ZNF778: variants seen among roughly 807,000 people sequenced by gnomAD.
ZNF778 encodes zinc finger protein 778.
Under a neutral mutation model 23.9 loss-of-function variants are expected in ZNF778, and 37 were observed. The observed-to-expected ratio is 1.54, with a 90% confidence interval of 1.19 to 2.03. The LOEUF (loss-of-function observed/expected upper bound fraction) is 2.03. ZNF778 is among the 30% of genes most tolerant of loss of function. The pLI, the probability that ZNF778 is intolerant of heterozygous loss-of-function variation, is 0.00. For synonymous variants in ZNF778, 483 were observed against 343.9 expected, an observed-to-expected ratio of 1.40 and a Z score of -4.48; for missense variants, 1,297 against 934.4, an observed-to-expected ratio of 1.39 and a Z score of -5.06.
At chr16:89,225,506 A>C in intron 5 of ZNF778, 49 bp from the exon 6 acceptor site, 1 of 1,457,732 alleles carries the variant, frequency 6.9e-7, no homozygotes, top group Non-Finnish European at 9.5e-7. Context: ...ATATGAAAAC[A>C]AATACCAATG....
At chr16:89,219,916 A>C (rs1031653525) in intron 1 of ZNF778, among the ~76,000 whole-genome samples, 2 of 152,274 alleles carry the variant, frequency 1.3e-5, no homozygotes, top group African/African-American at 4.8e-5. Flanking sequence ...TATGTAATCC[A>C]GACTGCTGAA....
At position 89,227,079 on chromosome 16, in the gene ZNF778, A is replaced by C; in HGVS notation, c.791A>C (p.His264Pro). Residue 264 changes from histidine to proline, a missense_variant, in exon 7 of 7, where the codon CAC becomes CCC. By Grantham distance (77) the His-to-Pro change is moderately conservative (BLOSUM62 -2). Coordinates refer to ENST00000433976, the MANE Select transcript of ZNF778 (RefSeq NM_001201407.2). ...AAGCCGTGTGGGAAAGCTCTAACTC[A>C]CTCCATGGGCTGCGCCACACCTGTT... ...KWKPCGKALT[H>P]SMGCATPVEM... 1 of 1,613,494 alleles carries C rather than the reference A, an allele frequency of 6.2e-7. No homozygotes were observed.
intron 4 of ZNF778, among the ~76,000 whole-genome samples, chr16:89,224,417 A>T (rs955724525): frequency 6.6e-5 from 10 of 152,198 alleles, no homozygotes; most frequent in Admixed American, 6.6e-4. Context: ...CAGGAGATTG[A>T]GACCATTCTG....
chr16:89,226,313 C>T (rs535579352), intron 6 of ZNF778, among the ~76,000 whole-genome samples: 95 of 151,986 alleles, frequency 6.3e-4, no homozygotes, highest in African/African-American at 2.1e-3. Context: ...TCAAGCCATT[C>T]TTCTGCCTCA....
Position 89,233,695 on chromosome 16 carries a change from ATATGCAACTCAACTCACTGCG to A in ZNF778, c.*5149_*5169del, listed in dbSNP as rs2032126516. On this transcript the variant is annotated 3_prime_UTR_variant, in exon 7 of 7. Transcript: ENST00000433976. ...CTGCGTATGCAAATCAACTTACTGC[ATATGCAACTCAACTCACTGCG>A]TATGCAACTCAACTCGCACTGCATA... 2.4e-6 allele frequency: 3 copies of A among 1,273,982 alleles called. No individual in the cohort carries two copies. Among genetic ancestry groups the A allele is most frequent in the Admixed American group, 2.4e-5 (1 of 42,322 alleles). 78.9% of individuals were successfully genotyped at this position (1,273,982 alleles called of 1,614,324 possible). A position where few individuals can be genotyped will look rare whatever the true frequency, so the allele number is the denominator to read the frequency against.
In ZNF778 at chr16:89,229,233, G is replaced by C. The variant is rs1284908385; in HGVS notation, c.*671G>C. ...GTGTAGGCTCTGGTTGGTTAGTCTT[G>C]AGGATCCAGATGTGATTCTTTGAGC... On this transcript the variant is annotated 3_prime_UTR_variant, in exon 7 of 7. Coordinates refer to ENST00000433976, the MANE Select transcript of ZNF778 (RefSeq NM_001201407.2). The C allele has an allele frequency of 1.0e-6, 1 of 985,452 alleles. No homozygotes were observed. The highest frequency in any genetic ancestry group is 1.2e-6 in the Non-Finnish European group (1 of 830,084). 61.0% of individuals were successfully genotyped at this position (985,452 alleles called of 1,614,324 possible).
intron 2 of ZNF778, 131 bp downstream of exon 2, chr16:89,221,283 G>A (rs779961332): frequency 8.5e-5 from 90 of 1,062,416 alleles, no homozygotes; most frequent in Non-Finnish European, 1.1e-4. Flanking sequence ...GAGTGAGCCA[G>A]AGAATGCTGA....
Position 89,226,723 on chromosome 16 carries a change from T to A in ZNF778, c.435T>A (p.Cys145Ter). 6.2e-7 allele frequency: 1 copy of A among 1,613,082 alleles called. No homozygotes were observed. Among genetic ancestry groups the A allele is most frequent in the South Asian group, 1.1e-5 (1 of 91,030 alleles). Residue 145 changes from cysteine (C) to a stop codon, truncating the protein, a stop_gained, in exon 7 of 7, where the codon TGT becomes TGA. Transcript: ENST00000433976. LOFTEE classifies it low-confidence loss of function (END_TRUNC). Reference sequence around the variant, plus strand: ...GAAGCCACAATGGAGGGCAGCTCTGTGACCGCACGCAGTGTGGAGAAGCTT... The same window carrying A: ...GAAGCCACAATGGAGGGCAGCTCTGAGACCGCACGCAGTGTGGAGAAGCTT... ...TARSHNGGQL[C>*]DRTQCGEAFS...
intron 4 of ZNF778, among the ~76,000 whole-genome samples, chr16:89,224,463 CA>C (rs1182878861): frequency 1.3e-5 from 2 of 152,052 alleles, no homozygotes; most frequent in Non-Finnish European, 2.9e-5. Context: ...ACTAAAAATA[CA>C]AAAAACTAGC....
At position 89,228,155 on chromosome 16, in the gene ZNF778, G is replaced by A. The variant is rs376517967; in HGVS notation, c.1867G>A (p.Gly623Arg). 6.0e-5 allele frequency: 96 copies of A among 1,613,374 alleles called. No individual in the cohort carries two copies. The African/African-American group carries it at 6.3e-4, about 11-fold the overall frequency. Residue 623 changes from glycine (G) to arginine (R), a missense_variant, in exon 7 of 7, where the codon GGA becomes AGA. By Grantham distance (125) the Gly-to-Arg change is moderately radical. Transcript: ENST00000433976. ...GAAACCTTATGAATGTAAAGTATGCGGAAAGGCCTTCACCACATCCTCACA... is the reference window on the plus strand; with the variant it reads ...GAAACCTTATGAATGTAAAGTATGCAGAAAGGCCTTCACCACATCCTCACA... ...GEKPYECKVCGKAFTTSSHLI... is the reference protein window; with the variant it reads ...GEKPYECKVCRKAFTTSSHLI...
At chr16:89,218,134 C>CT (rs2030533528) in intron 1 of ZNF778, 1 of 152,144 alleles carries the variant, frequency 6.6e-6, no homozygotes, top group Non-Finnish European at 1.5e-5. Flanking sequence ...AGGCCCGGCC[C>CT]TCGGGGCGGG....
At position 89,231,580 on chromosome 16, in the gene ZNF778, G is replaced by C. The variant is rs1430646570; in HGVS notation, c.*3018G>C. On this transcript the variant is annotated 3_prime_UTR_variant, in exon 7 of 7. Transcript: ENST00000433976. ...ACTGGGGTTCCTAAGGCACAAATTT[G>C]ATATTTGAGATTCTGTGATGAGCTG... 1 of 152,170 alleles carries C rather than the reference G, an allele frequency of 6.6e-6. No homozygotes were observed. Among genetic ancestry groups the C allele is most frequent in the East Asian group, 1.9e-4 (1 of 5,202 alleles). 9.4% of individuals were successfully genotyped at this position (152,170 alleles called of 1,614,324 possible).
At chr16:89,220,751 G>A (rs2030852593) in intron 1 of ZNF778, among the ~76,000 whole-genome samples, 1 of 152,162 alleles carries the variant, frequency 6.6e-6, no homozygotes, top group Non-Finnish European at 1.5e-5. Context: ...ACCAGTTCAT[G>A]TTATCTGAAT....
Position 89,217,774 on chromosome 16 carries a change from C to G in ZNF778, c.-268C>G, listed in dbSNP as rs541970153. The G allele has an allele frequency of 6.6e-6, 1 of 152,208 alleles. No individual in the cohort carries two copies. The allele number at this position is 152,208 out of a possible 1,614,324, so 9.4% of individuals were successfully genotyped here. On this transcript the variant is annotated 5_prime_UTR_variant, in exon 1 of 7. Transcript: ENST00000433976. ...GGAGAGTTCCGCGCGTGTCCTCGGG[C>G]TGTCCGCGGGGAAGCTGGTCCGGGA...
chr16:89,228,010 G>C lies in ZNF778; in HGVS notation c.1722G>C (p.Ser574=). The C allele has an allele frequency of 1.3e-6, 2 of 1,588,966 alleles. No homozygotes were observed. The highest frequency in any genetic ancestry group is 2.3e-5 in the East Asian group (1 of 43,438). Residue 574 remains serine, a synonymous_variant, in exon 7 of 7, where the codon TCG becomes TCC. Coordinates refer to ENST00000433976, the MANE Select transcript of ZNF778 (RefSeq NM_001201407.2). ...GCAGGAAATCCTTCAGAAATTCCTC[G>C]TGCCTGAATAAGCACATTCAGATTC... is the stretch of plus-strand genomic sequence containing the variant. ...TVCRKSFRNS[S]CLNKHIQIHT...
At chr16:89,219,501 C>G (rs1362679001) in intron 1 of ZNF778, among the ~76,000 whole-genome samples, 1 of 152,238 alleles carries the variant, frequency 6.6e-6, no homozygotes, top group Non-Finnish European at 1.5e-5. Context: ...CTTCTCTACT[C>G]TGTCCTGGTT....
chr16:89,223,404 T>C (rs2031161206), intron 4 of ZNF778, 121 bp downstream of exon 4: 1 of 1,381,394 alleles, frequency 7.2e-7, no homozygotes, highest in Non-Finnish European at 1.0e-6. Context: ...ATAACAACTG[T>C]GCTAGTAGGC....
At position 89,227,922 on chromosome 16, in the gene ZNF778, T is replaced by A. The variant is rs1429765382; in HGVS notation, c.1634T>A (p.Val545Asp). ...GACTGTGGGAAAGCCTACAATAGGG[T>A]TTATCTACTGAATGAGCATGTGAAA... ...CKDCGKAYNRVYLLNEHVKTH... is the reference protein window; with the variant it reads ...CKDCGKAYNRDYLLNEHVKTH... The change falls in exon 7 of 7, where the codon GTT becomes GAT. Residue 545 changes from valine to aspartate, a missense_variant. Val to Asp is a radical substitution (Grantham distance 152). Transcript: ENST00000433976. 8 of 1,612,768 alleles carry A rather than the reference T, an allele frequency of 5.0e-6. No individual in the cohort carries two copies. In the Admixed American group the frequency reaches 6.7e-5, roughly 13 times the overall value.
rs771790893 is a variant in ZNF778 at position 89,233,833 on chromosome 16, C to G, written c.*5271C>G. 4 of 1,289,986 alleles carry G rather than the reference C, an allele frequency of 3.1e-6. No homozygotes were observed. Among genetic ancestry groups the G allele is most frequent in the Non-Finnish European group, 4.0e-6 (4 of 989,758 alleles). The allele number at this position is 1,289,986 out of a possible 1,614,324, so 79.9% of individuals were successfully genotyped here. A position where few individuals can be genotyped will look rare whatever the true frequency, so the allele number is the denominator to read the frequency against. On this transcript the variant is annotated 3_prime_UTR_variant, in exon 7 of 7. Coordinates refer to ENST00000433976, the MANE Select transcript of ZNF778 (RefSeq NM_001201407.2). The stretch of plus-strand genomic sequence containing the variant: ...GTATGCAACTCAACTGTTGCAAGTA[C>G]TTATTTCCGGCCACTTCCTTTTTCT...
Sources: gnomAD v4.1 joint callset for allele counts (sites outside exome capture counted in the v4.1 genomes callset) on GRCh38, gnomAD v4.1.1 for gene constraint, MANE v1.5 for transcripts, NCBI Gene and HGNC (gene_info 2026-07-23, HGNC 2026-07-21) for gene names.